Variants in EPHA7 observed in about 807,000 individuals in gnomAD.
The protein encoded by EPHA7 is EPH receptor A7, also known as ephrin type-A receptor 7.
In EPHA7, 25 loss-of-function variants were observed where a neutral mutation model predicts 112.6. The observed-to-expected ratio is 0.22, with a 90% CI of 0.16 to 0.31. EPHA7 has a LOEUF of 0.31. Among genes scored for constraint, EPHA7 ranks in the 10% least tolerant of loss-of-function variants. EPHA7 has a pLI of 1.00. For missense variants in EPHA7, 962 were observed against 1,212.6 expected, an observed-to-expected ratio of 0.79 and a Z score of 3.07; for synonymous variants, 437 against 406.5, an observed-to-expected ratio of 1.07 and a Z score of -0.90.
At chr6:93,378,432 T>C (rs1314423253) in intron 3 of EPHA7, among the ~76,000 whole-genome samples, 1 of 152,074 alleles carries the variant, frequency 6.6e-6, no homozygotes, top group African/African-American at 2.4e-5. Flanking sequence ...CAAGATGACA[T>C]GTAAGAAGAT....
At chr6:93,405,799 G>GTA (rs1778669511) in intron 3 of EPHA7, among the ~76,000 whole-genome samples, 44 of 68,814 alleles carry the variant, frequency 6.4e-4, no homozygotes, top group East Asian at 1.5e-3. Flanking sequence ...GTGTGTGTGT[G>GTA]TGTGTGTGTG....
chr6:93,331,430 T>A (rs958752979), intron 5 of EPHA7, among the ~76,000 whole-genome samples: 2 of 149,542 alleles, frequency 1.3e-5, no homozygotes, highest in Non-Finnish European at 3.0e-5. Flanking sequence ...AATATGCAGA[T>A]TATATATTTA....
At chr6:93,255,347 T>TCAACAACAA (rs34956295) in intron 13 of EPHA7, among the ~76,000 whole-genome samples, 5 of 150,298 alleles carry the variant, frequency 3.3e-5, no homozygotes, top group Non-Finnish European at 7.4e-5. Context: ...AAACTCCATC[T>TCAACAACAA]CAACAACAAC....
rs1270049657 is a variant in EPHA7, at chr6:93,419,116, CGGGGAGCCGGCGGGGGA to C, written c.97+112_97+128del. On this transcript the variant is annotated intron_variant, in intron 1 of 16. Coordinates refer to ENST00000369303, the MANE Select transcript of EPHA7 (RefSeq NM_004440.4). ...AGGAGCGGCCTCAGCGGTGAGGGGG[CGGGGAGCCGGCGGGGGA>C]GGGTCGCCCGGCGCCGGAGGCGCGG... 12 of 646,114 alleles carry C rather than the reference CGGGGAGCCGGCGGGGGA, an allele frequency of 1.9e-5. No individual in the cohort carries two copies. In the African/African-American group the frequency reaches 2.4e-4, roughly 13 times the overall value. The allele number at this position is 646,114 out of a possible 1,614,324, so 40.0% of individuals were successfully genotyped here.
In EPHA7 at chr6:93,419,247, T is replaced by A; in HGVS notation, c.95A>T (p.Glu32Val). The change falls in exon 1 of 17, where the codon GAA (glutamate) becomes GTA (valine). Residue 32 changes from glutamate (E) to valine (V), a missense_variant and splice_region_variant. By Grantham distance (121) the Glu-to-Val change is moderately radical. This residue lies in a region of EPHA7 where 56 missense variants were observed against 59.9 expected (regional missense o/e 0.94). Transcript: ENST00000369303. ...ACTTTGCTTTCCCATCACCTTACCTTCCTTCGCAGCCTGCGCCTCCCCTGT... is the reference window on the plus strand; with the variant it reads ...ACTTTGCTTTCCCATCACCTTACCTACCTTCGCAGCCTGCGCCTCCCCTGT... ...AHTGEAQAAKEVLLLDSKAQQ... is the reference protein window; with the variant it reads ...AHTGEAQAAKVVLLLDSKAQQ... The A allele has an allele frequency of 6.2e-7, 1 of 1,613,106 alleles. No individual in the cohort carries two copies. The highest frequency in any genetic ancestry group is 8.5e-7 in the Non-Finnish European group (1 of 1,179,342).
At chr6:93,355,568 G>GTTTAATA (rs1156250411) in intron 5 of EPHA7, among the ~76,000 whole-genome samples, 1 of 152,104 alleles carries the variant, frequency 6.6e-6, no homozygotes, top group East Asian at 1.9e-4. Context: ...TTTTAATATT[G>GTTTAATA]TTGATAACGT....
At chr6:93,303,286 C>G (rs1418774150) in intron 5 of EPHA7, among the ~76,000 whole-genome samples, 1 of 152,150 alleles carries the variant, frequency 6.6e-6, no homozygotes, top group Non-Finnish European at 1.5e-5. Flanking sequence ...AAGCACTTCT[C>G]ACTACATTAA....
intron 5 of EPHA7, among the ~76,000 whole-genome samples, chr6:93,351,955 G>A (rs914565168): frequency 1.3e-5 from 2 of 152,004 alleles, no homozygotes; most frequent in African/African-American, 4.8e-5. Flanking sequence ...AGTATAAAGA[G>A]GTGAAGTAAC....
chr6:93,364,259 C>T (rs1019119761), intron 3 of EPHA7, among the ~76,000 whole-genome samples: 54 of 152,122 alleles, frequency 3.5e-4, no homozygotes, highest in African/African-American at 1.3e-3. Context: ...CACGGTGGCT[C>T]ATGCCTGTAA....
intron 5 of EPHA7, among the ~76,000 whole-genome samples, chr6:93,343,467 G>A (rs890746379): frequency 1.3e-5 from 2 of 151,710 alleles, no homozygotes; most frequent in South Asian, 4.1e-4. Context: ...ATAAATTTAA[G>A]TGTATAAAAA....
chr6:93,264,445 G>C (rs1770832873), intron 8 of EPHA7, 149 bp downstream of exon 8: 4 of 470,790 alleles, frequency 8.5e-6, no homozygotes, highest in Non-Finnish European at 1.5e-5. Flanking sequence ...TGATCTTGAA[G>C]GAATGACACA....
At chr6:93,413,553 C>T (rs1350229559) in intron 2 of EPHA7, among the ~76,000 whole-genome samples, 1 of 151,806 alleles carries the variant, frequency 6.6e-6, no homozygotes, top group African/African-American at 2.4e-5. Flanking sequence ...ATTTTACTTA[C>T]AGAAACCACT....
In EPHA7 at chr6:93,240,885, C is replaced by T. The variant is rs868289191; in HGVS notation, c.*2541G>A. The T allele has an allele frequency of 3.9e-5, 8 of 207,054 alleles. No homozygotes were observed. Among genetic ancestry groups the T allele is most frequent in the South Asian group, 1.9e-4 (1 of 5,280 alleles). 12.8% of individuals were successfully genotyped at this position (207,054 alleles called of 1,614,324 possible). A position where few individuals can be genotyped will look rare whatever the true frequency, so the allele number is the denominator to read the frequency against. ...ATATTTGTTTCACATACATGTATTT[C>T]GAAATCATAATGTTGATTAGGAAAA... is the stretch of plus-strand genomic sequence containing the variant. On this transcript the variant is annotated 3_prime_UTR_variant, in exon 17 of 17. Coordinates refer to ENST00000369303, the MANE Select transcript of EPHA7 (RefSeq NM_004440.4).
At chr6:93,312,825 T>C (rs1368504250) in intron 5 of EPHA7, among the ~76,000 whole-genome samples, 1 of 152,140 alleles carries the variant, frequency 6.6e-6, no homozygotes, top group Non-Finnish European at 1.5e-5. Context: ...TTAGAAGCAC[T>C]TTAGAGTTAT....
chr6:93,314,858 C>CTTTTT (rs777231219), intron 5 of EPHA7, among the ~76,000 whole-genome samples: 53 of 101,342 alleles, frequency 5.2e-4, no homozygotes, highest in African/African-American at 7.0e-4. Context: ...ATATAATTTT[C>CTTTTT]TTTTTTTTTT....
chr6:93,356,011 A>T (rs1346829538), intron 5 of EPHA7, among the ~76,000 whole-genome samples: 1 of 152,220 alleles, frequency 6.6e-6, no homozygotes, highest in Non-Finnish European at 1.5e-5. Flanking sequence ...GGGTAACATT[A>T]TGTGAGACAA....
At chr6:93,387,291 A>G (rs1174675548) in intron 3 of EPHA7, among the ~76,000 whole-genome samples, 1 of 152,132 alleles carries the variant, frequency 6.6e-6, no homozygotes, top group Non-Finnish European at 1.5e-5. Flanking sequence ...ACAGCATAGC[A>G]AAAGTCACCT....
At chr6:93,347,967 C>A (rs149447692) in intron 5 of EPHA7, among the ~76,000 whole-genome samples, 1 of 151,690 alleles carries the variant, frequency 6.6e-6, no homozygotes, top group Admixed American at 6.6e-5. Context: ...GATAAAGAAG[C>A]ATTAAATTGG....
chr6:93,396,601 T>A (rs1778184515), intron 3 of EPHA7, among the ~76,000 whole-genome samples: 1 of 151,822 alleles, frequency 6.6e-6, no homozygotes, highest in Non-Finnish European at 1.5e-5. Flanking sequence ...CAAAAACGCA[T>A]ATGCTAAAAT....
Sources: gnomAD v4.1 joint callset for allele counts (sites outside exome capture counted in the v4.1 genomes callset) on GRCh38, gnomAD v4.1.1 for gene constraint, gnomAD v4.1.1 regional missense constraint, MANE v1.5 for transcripts, NCBI Gene and HGNC (gene_info 2026-07-23, HGNC 2026-07-21) for gene names.